THEMIS: variants seen among roughly 807,000 people sequenced by gnomAD.
THEMIS encodes the protein protein THEMIS.
In THEMIS, 37 loss-of-function variants were observed where a neutral mutation model predicts 52.6. That is an observed-to-expected ratio of 0.70 (90% CI 0.54 to 0.93). THEMIS has a LOEUF of 0.93. THEMIS is among the 40% of genes least tolerant of loss of function. The probability of loss-of-function intolerance (pLI) is 0.00; values close to 1 mark genes in which losing one functional copy is unlikely to be tolerated. For missense variants in THEMIS, 808 were observed against 763.1 expected, an observed-to-expected ratio of 1.06 and a Z score of -0.69; for synonymous variants, 292 against 272.7, an observed-to-expected ratio of 1.07 and a Z score of -0.70.
At chr6:127,711,474 A>C (rs1206147532) in intron 5 of THEMIS, among the ~76,000 whole-genome samples, 1 of 151,932 alleles carries the variant, frequency 6.6e-6, no homozygotes, top group Non-Finnish European at 1.5e-5. Flanking sequence ...CAACATTTCC[A>C]TCAGTGTTAA....
Position 127,813,357 on chromosome 6 carries a change from C to G in THEMIS, c.1284G>C (p.Leu428Phe). Reference sequence around the variant, plus strand: ...CCTCTACAAAACCTCCTTCCATGTACAAAGGGAGCAGCGCAGCCTCATAGG... The same window carrying G: ...CCTCTACAAAACCTCCTTCCATGTAGAAAGGGAGCAGCGCAGCCTCATAGG... ...KKSYEAALLP[L>F]YMEGGFVEVI... Residue 428 changes from leucine (L) to phenylalanine (F), a missense_variant, in exon 4 of 6, where the codon TTG becomes TTC. Transcript: ENST00000368248. 6.2e-7 allele frequency: 1 copy of G among 1,614,062 alleles called. No homozygotes were observed. The highest frequency in any genetic ancestry group is 1.1e-5 in the South Asian group (1 of 91,072).
At chr6:127,834,927 A>C (rs1445202762) in intron 2 of THEMIS, among the ~76,000 whole-genome samples, 1 of 152,188 alleles carries the variant, frequency 6.6e-6, no homozygotes, top group African/African-American at 2.4e-5. Context: ...GCCGCACGTC[A>C]TACATACACT....
chr6:127,903,098 G>A (rs559755987), upstream of THEMIS, among the ~76,000 whole-genome samples: 5 of 152,080 alleles, frequency 3.3e-5, no homozygotes, highest in South Asian at 4.1e-4. Flanking sequence ...TTCCCAAGCC[G>A]GAAGGCTTAG....
chr6:127,819,118 T>TAAAAAAAAAAAAAAAAAAA (rs142123167), intron 3 of THEMIS, among the ~76,000 whole-genome samples: 6 of 19,480 alleles, frequency 3.1e-4, no homozygotes, highest in African/African-American at 1.2e-3. Flanking sequence ...AGACTCTGTC[T>TAAAAAAAAAAAAAAAAAAA]AAAAAAAAAA....
Position 127,901,034 on chromosome 6 carries a change from C to T in THEMIS, c.-102G>A. On this transcript the variant is annotated 5_prime_UTR_variant, in exon 1 of 6. Transcript: ENST00000368248. ...CAGCCCCTGCTCACCATTTCTTCCTCAGGCAGGCAGGAATGTCACACTACA... is the reference window on the plus strand; with the variant it reads ...CAGCCCCTGCTCACCATTTCTTCCTTAGGCAGGCAGGAATGTCACACTACA... The T allele has an allele frequency of 1.1e-6, 1 of 898,656 alleles. No homozygotes were observed. Among genetic ancestry groups the T allele is most frequent in the Non-Finnish European group, 1.8e-6 (1 of 544,214 alleles). 55.7% of individuals were successfully genotyped at this position (898,656 alleles called of 1,614,324 possible).
At chr6:127,782,426 T>G (rs367756943) in intron 4 of THEMIS, among the ~76,000 whole-genome samples, 6 of 152,086 alleles carry the variant, frequency 3.9e-5, no homozygotes, top group African/African-American at 1.4e-4. Context: ...GCCCTAGTGG[T>G]GTAGGCACCC....
intron 4 of THEMIS, among the ~76,000 whole-genome samples, chr6:127,788,965 A>G (rs1777068393): frequency 2.6e-5 from 4 of 152,236 alleles, no homozygotes; most frequent in Admixed American, 1.3e-4. Flanking sequence ...TCACAATTAA[A>G]AGAACTAGAG....
chr6:127,877,536 C>T (rs951256861), intron 1 of THEMIS, among the ~76,000 whole-genome samples: 8 of 152,060 alleles, frequency 5.3e-5, no homozygotes, highest in Admixed American at 2.0e-4. Flanking sequence ...ATTGTTGTGT[C>T]TCAGGGAATA....
rs115534390 is a variant in THEMIS, at chr6:127,738,037, G to C, written c.1759-18214C>G. ...CCTCTATCCTTCTTACCTTGGTTTT[G>C]TTCTACTTATAACTAATAGAAGCAT... On this transcript the variant is annotated intron_variant, in intron 4 of 5. Coordinates refer to ENST00000368248, the MANE Select transcript of THEMIS (RefSeq NM_001010923.3). 3.2e-3 allele frequency among the ~76,000 whole-genome samples: 485 copies of C among 152,234 alleles called. 3 individuals carry two copies. Among genetic ancestry groups the C allele is most frequent in the African/African-American group, 0.011 (460 of 41,556 alleles).
intron 4 of THEMIS, among the ~76,000 whole-genome samples, chr6:127,747,999 G>A (rs1274382150): frequency 1.3e-5 from 2 of 152,000 alleles, no homozygotes; most frequent in Non-Finnish European, 2.9e-5. Flanking sequence ...AAATGAAAAT[G>A]GTCTCAAAAA....
At chr6:127,730,293 A>AAAGAAAAGAAAAG (rs1774727113) in intron 4 of THEMIS, among the ~76,000 whole-genome samples, 1 of 145,290 alleles carries the variant, frequency 6.9e-6, no homozygotes, top group Non-Finnish European at 1.5e-5. Flanking sequence ...AAAGAAAAGA[A>AAAGAAAAGAAAAG]AAGAAAAGAA....
chr6:127,839,165 T>C (rs1209484919), intron 2 of THEMIS, among the ~76,000 whole-genome samples: 4 of 152,106 alleles, frequency 2.6e-5, no homozygotes, highest in East Asian at 1.9e-4. Flanking sequence ...ATGTTGAACA[T>C]AAATTAATTC....
chr6:127,803,596 C>G (rs1338236356), intron 4 of THEMIS, among the ~76,000 whole-genome samples: 2 of 152,124 alleles, frequency 1.3e-5, no homozygotes, highest in Admixed American at 1.3e-4. Context: ...AAGTTCTACT[C>G]CTATTCTTAG....
At chr6:127,775,243 T>A (rs140005063) in intron 4 of THEMIS, among the ~76,000 whole-genome samples, 1 of 152,322 alleles carries the variant, frequency 6.6e-6, no homozygotes, top group African/African-American at 2.4e-5. Flanking sequence ...GACGCAAAAG[T>A]GTTTTTATGT....
At chr6:127,902,062 T>C (rs558769506), upstream of THEMIS, among the ~76,000 whole-genome samples, 4 of 152,130 alleles carry the variant, frequency 2.6e-5, no homozygotes, top group Admixed American at 6.6e-5. Flanking sequence ...CGGTGGCTCA[T>C]ACCTGTAGTC....
At chr6:127,736,658 G>C (rs1419505204) in intron 4 of THEMIS, among the ~76,000 whole-genome samples, 1 of 151,952 alleles carries the variant, frequency 6.6e-6, no homozygotes, top group Admixed American at 6.6e-5. Context: ...AATCAAATTG[G>C]AGTCTAGGCT....
chr6:127,816,506 A>C (rs1014840834), intron 3 of THEMIS, among the ~76,000 whole-genome samples: 1 of 152,178 alleles, frequency 6.6e-6, no homozygotes, highest in Non-Finnish European at 1.5e-5. Flanking sequence ...AGACTCAGCT[A>C]TTGGAAACTC....
intron 1 of THEMIS, among the ~76,000 whole-genome samples, chr6:127,861,466 C>T (rs982849399): frequency 1.4e-4 from 21 of 151,906 alleles, no homozygotes; most frequent in Admixed American, 1.2e-3. Flanking sequence ...ATTAGCTATT[C>T]TGCTTGTGAA....
intron 1 of THEMIS, among the ~76,000 whole-genome samples, chr6:127,885,858 A>G (rs1367428292): frequency 6.6e-6 from 1 of 152,098 alleles, no homozygotes; most frequent in Non-Finnish European, 1.5e-5. Context: ...TTTCTTTTTG[A>G]TAAATGGTAA....
Sources: gnomAD v4.1 joint callset for allele counts (sites outside exome capture counted in the v4.1 genomes callset) on GRCh38, gnomAD v4.1.1 for gene constraint, MANE v1.5 for transcripts, NCBI Gene and HGNC (gene_info 2026-07-23, HGNC 2026-07-21) for gene names.